Variants in VAV3 observed in about 807,000 individuals in gnomAD.
VAV3 encodes guanine nucleotide exchange factor VAV3.
VAV3 carries 94 observed loss-of-function variants against 131.2 expected under a neutral mutation model. The observed-to-expected ratio is 0.72, with a 90% CI of 0.61 to 0.85. The LOEUF (loss-of-function observed/expected upper bound fraction) is 0.85, where lower values mean the gene tolerates loss of function less well. VAV3 is among the 40% of genes least tolerant of loss of function. The pLI is 0.00. For missense variants in VAV3, 939 were observed against 1,002.7 expected, an observed-to-expected ratio of 0.94 and a Z score of 0.86; for synonymous variants, 349 against 342.0, an observed-to-expected ratio of 1.02 and a Z score of -0.22.
intron 17 of VAV3, among the ~76,000 whole-genome samples, chr1:107,694,359 C>T (rs780022794): frequency 6.6e-6 from 1 of 152,084 alleles, no homozygotes; most frequent in African/African-American, 2.4e-5. Flanking sequence ...ACAATTGGAT[C>T]GACTGGATCA....
chr1:107,684,996 T>C (rs896487654), intron 18 of VAV3, among the ~76,000 whole-genome samples: 7 of 152,216 alleles, frequency 4.6e-5, no homozygotes, highest in Non-Finnish European at 1.0e-4. Flanking sequence ...TCCCATCATC[T>C]TCTTAATGCA....
Position 107,704,952 on chromosome 1 carries a change from A to G in VAV3, c.1604+8T>C. 1 of 1,611,540 alleles carries G rather than the reference A, an allele frequency of 6.2e-7. No individual in the cohort carries two copies. Among genetic ancestry groups the G allele is most frequent in the South Asian group, 1.1e-5 (1 of 90,962 alleles). On this transcript the variant is annotated splice_region_variant and intron_variant, in intron 16 of 26. Coordinates refer to ENST00000370056, the MANE Select transcript of VAV3 (RefSeq NM_006113.5). ...TTTAAACTGAAAACCAGGACTGAGC[A>G]GGCTTACCTCAGGAGCATCTGGCAG...
intron 24 of VAV3, among the ~76,000 whole-genome samples, chr1:107,596,857 T>G (rs945817043): frequency 6.6e-6 from 1 of 152,232 alleles, no homozygotes; most frequent in Non-Finnish European, 1.5e-5. Flanking sequence ...TAGTTTCTGA[T>G]GAAGTATAGT....
chr1:107,823,394 T>C (rs4915077), intron 2 of VAV3, among the ~76,000 whole-genome samples: 14,231 of 152,200 alleles, frequency 0.094, 848 homozygotes, highest in East Asian at 0.26. Context: ...GTCTGAAACT[T>C]AGGGAAGAGA....
intron 1 of VAV3, among the ~76,000 whole-genome samples, chr1:107,928,983 A>G (rs1468884818): frequency 1.3e-5 from 2 of 152,180 alleles, no homozygotes; most frequent in East Asian, 3.9e-4. Context: ...AATCAAAGAT[A>G]AAGAAAGGAT....
chr1:107,712,927 G>C (rs1190660025), intron 15 of VAV3, among the ~76,000 whole-genome samples: 1 of 152,176 alleles, frequency 6.6e-6, no homozygotes, highest in Non-Finnish European at 1.5e-5. Flanking sequence ...TACAGAAATA[G>C]GTGGAAAGCA....
chr1:107,573,280 T>C lies in VAV3; in HGVS notation c.*51A>G. On this transcript the variant is annotated 3_prime_UTR_variant, in exon 27 of 27. Coordinates refer to ENST00000370056, the MANE Select transcript of VAV3 (RefSeq NM_006113.5). ...ATTCACGATGCTGTGCAGGCTTCTATTTATCCCTTCTCTGAAATTTTTGGT... is the reference window on the plus strand; with the variant it reads ...ATTCACGATGCTGTGCAGGCTTCTACTTATCCCTTCTCTGAAATTTTTGGT... 2 of 1,604,332 alleles carry C rather than the reference T, an allele frequency of 1.2e-6. No individual in the cohort carries two copies. The highest frequency in any genetic ancestry group is 1.7e-6 in the Non-Finnish European group (2 of 1,174,488).
intron 2 of VAV3, among the ~76,000 whole-genome samples, chr1:107,841,917 A>G (rs1031416025): frequency 1.3e-5 from 2 of 152,204 alleles, no homozygotes; most frequent in Admixed American, 6.5e-5. Flanking sequence ...TGTATTATTA[A>G]AATTAATTTT....
chr1:107,959,699 AC>A (rs1348634402), intron 1 of VAV3, among the ~76,000 whole-genome samples: 1 of 151,884 alleles, frequency 6.6e-6, no homozygotes, highest in African/African-American at 2.4e-5. Context: ...GTGTGGTATC[AC>A]CCAGTCTCAT....
intron 4 of VAV3, among the ~76,000 whole-genome samples, chr1:107,775,827 C>T (rs545286478): frequency 6.6e-6 from 1 of 152,220 alleles, no homozygotes; most frequent in Non-Finnish European, 1.5e-5. Flanking sequence ...GCCACCTACC[C>T]TGGAAAGAGC....
intron 2 of VAV3, among the ~76,000 whole-genome samples, chr1:107,806,394 C>T (rs893053426): frequency 6.6e-6 from 1 of 151,324 alleles, no homozygotes; most frequent in Non-Finnish European, 1.5e-5. Context: ...GGAACTCACT[C>T]ATCCTCATAC....
intron 15 of VAV3, among the ~76,000 whole-genome samples, chr1:107,728,652 T>TATGTATA (rs1662026314): frequency 4.7e-5 from 7 of 149,838 alleles, no homozygotes; most frequent in East Asian, 2.0e-4. Flanking sequence ...TGTATATGTA[T>TATGTATA]TGTGTAAAAC....
At chr1:107,642,866 A>G (rs1225098200) in intron 19 of VAV3, 111 bp from the exon 20 acceptor site, 1 of 1,429,262 alleles carries the variant, frequency 7.0e-7, no homozygotes, top group Non-Finnish European at 9.4e-7. Flanking sequence ...AATACCACCA[A>G]GTCCAAGTAA....
intron 22 of VAV3, among the ~76,000 whole-genome samples, chr1:107,603,808 C>CTTT (rs781360605): frequency 7.1e-6 from 1 of 141,806 alleles, no homozygotes; most frequent in Non-Finnish European, 1.5e-5. Flanking sequence ...ATGCTAGTAA[C>CTTT]TTTTTTTTTT....
intron 2 of VAV3, among the ~76,000 whole-genome samples, chr1:107,869,712 T>C (rs572461917): frequency 3.9e-5 from 6 of 152,294 alleles, no homozygotes; most frequent in African/African-American, 1.4e-4. Context: ...GAGTAAGTTA[T>C]TTAGTGGTGA....
At chr1:107,864,992 C>T (rs1246077184) in intron 2 of VAV3, among the ~76,000 whole-genome samples, 1 of 152,120 alleles carries the variant, frequency 6.6e-6, no homozygotes, top group Non-Finnish European at 1.5e-5. Flanking sequence ...TTACCCCCTG[C>T]CCCACACTGC....
intron 2 of VAV3, among the ~76,000 whole-genome samples, chr1:107,872,688 A>C (rs1264549220): frequency 1.3e-5 from 2 of 152,204 alleles, no homozygotes; most frequent in East Asian, 3.9e-4. Context: ...TATGCAAAGT[A>C]CACGTTATGT....
intron 2 of VAV3, among the ~76,000 whole-genome samples, chr1:107,822,490 T>C (rs950591910): frequency 2.0e-5 from 3 of 151,474 alleles, no homozygotes; most frequent in Non-Finnish European, 2.9e-5. Flanking sequence ...CCGTCTCTAT[T>C]AAAAATACAA....
At chr1:107,885,457 C>A (rs994922713) in intron 1 of VAV3, among the ~76,000 whole-genome samples, 1 of 151,550 alleles carries the variant, frequency 6.6e-6, no homozygotes, top group Non-Finnish European at 1.5e-5. Context: ...AAAATACAGT[C>A]AAAAAACATT....
Sources: gnomAD v4.1 joint callset for allele counts (sites outside exome capture counted in the v4.1 genomes callset) on GRCh38, gnomAD v4.1.1 for gene constraint, MANE v1.5 for transcripts, NCBI Gene and HGNC (gene_info 2026-07-23, HGNC 2026-07-21) for gene names.